The following MYH14 variants were observed in gnomAD, a reference collection of about 807,000 sequenced individuals.
MYH14 encodes the protein myosin-14.
Under a neutral mutation model 255.5 loss-of-function variants are expected in MYH14, and 123 were observed. That is an observed-to-expected ratio of 0.48 (90% CI 0.42 to 0.56). The LOEUF (loss-of-function observed/expected upper bound fraction) is 0.56. MYH14 is among the 20% of genes least tolerant of loss of function. The probability of loss-of-function intolerance (pLI) is 0.00; values close to 1 mark genes in which losing one functional copy is unlikely to be tolerated. For synonymous variants in MYH14, 1,095 were observed against 1,161.2 expected (o/e 0.94, Z 1.16); for missense variants, 2,423 against 2,802.3 (o/e 0.86, Z 3.06).
chr19:50,213,166 C>T (rs1403013332), intron 2 of MYH14, among the ~76,000 whole-genome samples: 1 of 152,110 alleles, frequency 6.6e-6, no homozygotes, highest in African/African-American at 2.4e-5. Flanking sequence ...TTTGTCAGAG[C>T]TCGAACCTCT....
At chr19:50,207,271 CAG>C (rs764396652) in intron 1 of MYH14, among the ~76,000 whole-genome samples, 5,974 of 76,758 alleles carry the variant, frequency 0.078, 350 homozygotes, top group Non-Finnish European at 0.085. Context: ...GAGAGAGAGA[CAG>C]AGAGAGAGAG....
At chr19:50,286,802 A>G in intron 34 of MYH14, 108 bp downstream of exon 34, 3 of 1,076,994 alleles carry the variant, frequency 2.8e-6, no homozygotes, top group Non-Finnish European at 4.1e-6. Context: ...TCAAAGTCAT[A>G]TGTTCATGCA....
In MYH14 at chr19:50,230,924, C is replaced by T. The variant is rs1027318635; in HGVS notation, c.973+301C>T. 1.8e-5 allele frequency: 7 copies of T among 396,144 alleles called. No homozygotes were observed. The highest frequency in any genetic ancestry group is 6.1e-5 in the African/African-American group (3 of 48,954). 24.5% of individuals were successfully genotyped at this position (396,144 alleles called of 1,614,324 possible). On this transcript the variant is annotated intron_variant, in intron 9 of 42. Coordinates refer to ENST00000642316, the MANE Select transcript of MYH14 (RefSeq NM_001145809.2). This position sits in a 1 kb window ranked among gnomAD's most constrained non-coding sequence, Gnocchi z 4.7. ...TCGCTTCCGAAGCTCCGTGGCTTCTCTCTCGCGCGGCTTCTCCTCACTCCG... is the reference window on the plus strand; with the variant it reads ...TCGCTTCCGAAGCTCCGTGGCTTCTTTCTCGCGCGGCTTCTCCTCACTCCG...
rs544230838 is a variant in MYH14, at chr19:50,221,190, T to G, written c.563-1893T>G. ...GCCGTGCACTGTGCTGAGTGCATTT[T>G]GAGCATTCTGAGTTCTGACTACAGC... On this transcript the variant is annotated intron_variant, in intron 3 of 42. Transcript: ENST00000642316. The surrounding 1 kb of genome is among the most constrained non-coding windows in gnomAD (Gnocchi z 5.3). 5.5e-4 allele frequency among the ~76,000 whole-genome samples: 84 copies of G among 152,290 alleles called. No homozygotes were observed. The highest frequency in any genetic ancestry group is 1.0e-3 in the Non-Finnish European group (68 of 68,020).
rs1160781191 is a variant in MYH14, at chr19:50,309,924, A to G, written c.*134A>G. The G allele has an allele frequency of 6.5e-6, 6 of 919,482 alleles. No homozygotes were observed. In the African/African-American group the frequency reaches 8.2e-5, roughly 13 times the overall value. The allele number at this position is 919,482 out of a possible 1,614,324, so 57.0% of individuals were successfully genotyped here. On this transcript the variant is annotated 3_prime_UTR_variant, in exon 43 of 43. Coordinates refer to ENST00000642316, the MANE Select transcript of MYH14 (RefSeq NM_001145809.2). ...GAAATGGTGCAGCACTCTGGCATTT[A>G]TCACCCCCACCTGGGTCCCCTGCAA...
At chr19:50,300,573 ACC>A (rs903851849) in intron 39 of MYH14, among the ~76,000 whole-genome samples, 2 of 151,900 alleles carry the variant, frequency 1.3e-5, no homozygotes, top group Admixed American at 1.3e-4. Flanking sequence ...ACATGGAGAA[ACC>A]CCATCTCTAC....
intron 7 of MYH14, 56 bp downstream of exon 7, chr19:50,225,733 CTCAGGGTGGGCT>C: frequency 7.1e-7 from 1 of 1,411,416 alleles, no homozygotes; most frequent in Non-Finnish European, 1.0e-6. Flanking sequence ...AGCTGGGAAC[CTCAGGGTGGGCT>C]TCAGGGGGAA....
intron 29 of MYH14, 38 bp from the exon 30 acceptor site, chr19:50,278,045 G>A (rs552627937): frequency 4.1e-6 from 6 of 1,475,564 alleles, no homozygotes; most frequent in African/African-American, 2.8e-5. Context: ...GTCCAGGAAA[G>A]GCCTCATAGA....
chr19:50,220,435 T>C (rs1359803796), intron 3 of MYH14, among the ~76,000 whole-genome samples: 2 of 150,004 alleles, frequency 1.3e-5, no homozygotes, highest in Admixed American at 6.7e-5. Context: ...ATAAATGTAA[T>C]GTTGATTTAA....
At chr19:50,274,323 C>G (rs2123399549) in intron 27 of MYH14, among the ~76,000 whole-genome samples, 1 of 152,166 alleles carries the variant, frequency 6.6e-6, no homozygotes, top group East Asian at 1.9e-4. Flanking sequence ...GAGCTGGAGT[C>G]TTGCCCTGTC....
chr19:50,244,956 G>T (rs899982497), intron 11 of MYH14, among the ~76,000 whole-genome samples: 1 of 152,180 alleles, frequency 6.6e-6, no homozygotes, highest in Non-Finnish European at 1.5e-5. Context: ...AGCATTTGGC[G>T]TAGCTTCTCC....
intron 39 of MYH14, among the ~76,000 whole-genome samples, chr19:50,299,920 G>C (rs891089072): frequency 6.6e-6 from 1 of 152,108 alleles, no homozygotes; most frequent in African/African-American, 2.4e-5. Flanking sequence ...ACTCCAGCCT[G>C]GGTGACAGAG....
Position 50,293,664 on chromosome 19 carries a change from C to G in MYH14, c.5446C>G (p.Arg1816Gly), listed in dbSNP as rs376798395. The change falls in exon 39 of 43, where the codon CGC (arginine) becomes GGC (glycine). Residue 1816 changes from arginine (R) to glycine (G), a missense_variant. Transcript: ENST00000642316. This position sits in a 1 kb window ranked among gnomAD's most constrained non-coding sequence, Gnocchi z 4.1. ...GAGCAACTCGGAGCTGCTCAATGAC[C>G]GCTACCGCAAGCTGCTCCTGCAGGT... is the stretch of plus-strand genomic sequence containing the variant. The part of the protein sequence containing the change: ...EQSNSELLND[R>G]YRKLLLQVES... 19 of 1,594,100 alleles carry G rather than the reference C, an allele frequency of 1.2e-5. No homozygotes were observed. The East Asian group carries it at 4.0e-4, about 34-fold the overall frequency.
In MYH14 at chr19:50,293,152, T is replaced by C. The variant is rs2036142642; in HGVS notation, c.5257-81T>C. 1 of 973,158 alleles carries C rather than the reference T, an allele frequency of 1.0e-6. No homozygotes were observed. Among genetic ancestry groups the C allele is most frequent in the East Asian group, 2.6e-5 (1 of 38,330 alleles). 60.3% of individuals were successfully genotyped at this position (973,158 alleles called of 1,614,324 possible). A position where few individuals can be genotyped will look rare whatever the true frequency, so the allele number is the denominator to read the frequency against. ...GAGAAAAAAGCCAAGAGCCTTGAGG[T>C]GTGAGGGACAGAGAAAGGGGTGAGA... On this transcript the variant is annotated intron_variant, in intron 37 of 42. Coordinates refer to ENST00000642316, the MANE Select transcript of MYH14 (RefSeq NM_001145809.2). This position sits in a 1 kb window ranked among gnomAD's most constrained non-coding sequence, Gnocchi z 4.1.
chr19:50,273,861 T>C (rs912495397), intron 27 of MYH14, among the ~76,000 whole-genome samples: 1 of 151,936 alleles, frequency 6.6e-6, no homozygotes, highest in Non-Finnish European at 1.5e-5. Context: ...GGTCTGGAAC[T>C]CCCAACCTCA....
chr19:50,296,444 CAA>C (rs111989091), intron 39 of MYH14, among the ~76,000 whole-genome samples: 3 of 146,938 alleles, frequency 2.0e-5, no homozygotes, highest in Non-Finnish European at 4.5e-5. Context: ...CCCGTCTCTA[CAA>C]AAAAAAAAAT....
intron 27 of MYH14, 58 bp downstream of exon 27, chr19:50,272,789 T>C: frequency 6.6e-7 from 1 of 1,517,606 alleles, no homozygotes; most frequent in Non-Finnish European, 8.9e-7. Context: ...CCAGCCAGCG[T>C]GGGGTGCCCA....
chr19:50,221,698 A>T lies in MYH14; in HGVS notation c.563-1385A>T, dbSNP rs1026177896. 2.6e-5 allele frequency among the ~76,000 whole-genome samples: 4 copies of T among 152,070 alleles called. No homozygotes were observed. The highest frequency in any genetic ancestry group is 5.9e-5 in the Non-Finnish European group (4 of 68,016). On this transcript the variant is annotated intron_variant, in intron 3 of 42. Transcript: ENST00000642316. The surrounding 1 kb of genome is among the most constrained non-coding windows in gnomAD (Gnocchi z 5.3). ...CACCATGTTGCCCAGGCTGGTCTTG[A>T]ACTCCTGACTTCGGGTGATCTGCTG...
chr19:50,272,092 C>A, intron 26 of MYH14, 120 bp downstream of exon 26: 1 of 1,364,692 alleles, frequency 7.3e-7, no homozygotes. Flanking sequence ...AAGGAAGGCT[C>A]AGGGCAGATT....
Sources: gnomAD v4.1 joint callset for allele counts (sites outside exome capture counted in the v4.1 genomes callset) on GRCh38, gnomAD v4.1.1 for gene constraint, Gnocchi (gnomAD v3.1) non-coding constraint, MANE v1.5 for transcripts, NCBI Gene and HGNC (gene_info 2026-07-23, HGNC 2026-07-21) for gene names.